Variants in R3HDM2 observed in about 807,000 individuals in gnomAD.
The protein encoded by R3HDM2 is R3H domain containing 2, also known as R3H domain-containing protein 2.
A neutral mutation model predicts 124.5 loss-of-function variants in R3HDM2; 38 were observed. The observed-to-expected ratio is 0.31, with a 90% CI of 0.24 to 0.40. The LOEUF (loss-of-function observed/expected upper bound fraction) is 0.40, where lower values mean the gene tolerates loss of function less well. R3HDM2 is among the 10% of genes least tolerant of loss of function. R3HDM2 has a pLI of 1.00. For missense variants in R3HDM2, 869 were observed against 1,236.9 expected (o/e 0.70, Z 4.46); for synonymous variants, 391 against 448.0 (o/e 0.87, Z 1.61).
At chr12:57,261,431 G>C (rs2040781778) in intron 19 of R3HDM2, among the ~76,000 whole-genome samples, 1 of 152,164 alleles carries the variant, frequency 6.6e-6, no homozygotes, top group Non-Finnish European at 1.5e-5. Context: ...ATAAGCATAA[G>C]CAAGGCAGTG....
At chr12:57,428,748 ATTTT>A (rs920947925) in intron 1 of R3HDM2, among the ~76,000 whole-genome samples, 5 of 113,512 alleles carry the variant, frequency 4.4e-5, no homozygotes, top group Admixed American at 9.8e-5. Flanking sequence ...GCATGCTATT[ATTTT>A]TTTTTTTTTT....
At position 57,402,184 on chromosome 12, in the gene R3HDM2, A is replaced by G. The variant is rs1198376369; in HGVS notation, c.-105-6366T>C. Among the ~76,000 whole-genome samples the G allele has an allele frequency of 2.0e-5, 3 of 150,288 alleles. No individual in the cohort carries two copies. In the East Asian group the frequency reaches 6.0e-4, roughly 30 times the overall value. On this transcript the variant is annotated intron_variant, in intron 1 of 23. Transcript: ENST00000402412. ...GTGACAGGCGCCTGTAATCCCAGCT[A>G]CTCAGGAGACTGAGGCAGGAGAATC...
intron 2 of R3HDM2, among the ~76,000 whole-genome samples, chr12:57,315,301 A>G (rs1489410519): frequency 6.6e-6 from 1 of 152,072 alleles, no homozygotes; most frequent in African/African-American, 2.4e-5. Context: ...TCGGCCTCCC[A>G]AAGTGCTGGG....
chr12:57,335,888 T>G (rs1316521815), intron 2 of R3HDM2, among the ~76,000 whole-genome samples: 1 of 151,846 alleles, frequency 6.6e-6, no homozygotes, highest in Non-Finnish European at 1.5e-5. Flanking sequence ...GGAACTTAAA[T>G]GTACAAGAGA....
At chr12:57,261,027 C>A (rs908385728) in intron 19 of R3HDM2, among the ~76,000 whole-genome samples, 2 of 152,172 alleles carry the variant, frequency 1.3e-5, no homozygotes, top group Non-Finnish European at 2.9e-5. Flanking sequence ...ATCCCCATCT[C>A]CTGCCAAGGT....
At chr12:57,272,238 C>G (rs986058576) in intron 14 of R3HDM2, among the ~76,000 whole-genome samples, 2 of 152,122 alleles carry the variant, frequency 1.3e-5, no homozygotes, top group African/African-American at 4.8e-5. Flanking sequence ...ACACAGTGTT[C>G]CTCTGTCTTA....
rs376826448 is a variant in R3HDM2, at chr12:57,416,119, A to C, written c.-106+14601T>G. Among the ~76,000 whole-genome samples the C allele has an allele frequency of 1.9e-4, 29 of 152,330 alleles. No individual in the cohort carries two copies. The East Asian group carries it at 5.6e-3, about 29-fold the overall frequency. Reference sequence around the variant, plus strand: ...ACTGTTCTCAGGTGATACATGCTTAAGAAATTATGGAGTGAGGTATCCTGA... The same window carrying C: ...ACTGTTCTCAGGTGATACATGCTTACGAAATTATGGAGTGAGGTATCCTGA... On this transcript the variant is annotated intron_variant, in intron 1 of 23. Coordinates refer to ENST00000402412, the MANE Select transcript of R3HDM2 (RefSeq NM_001394031.1).
intron 3 of R3HDM2, among the ~76,000 whole-genome samples, chr12:57,309,742 C>T (rs1004883314): frequency 1.3e-5 from 2 of 152,148 alleles, no homozygotes; most frequent in African/African-American, 4.8e-5. Flanking sequence ...GCAGCAAGAA[C>T]CAGTGAACTC....
At chr12:57,426,960 C>T (rs1364835085) in intron 1 of R3HDM2, among the ~76,000 whole-genome samples, 1 of 152,154 alleles carries the variant, frequency 6.6e-6, no homozygotes, top group Non-Finnish European at 1.5e-5. Context: ...TACTGAACAT[C>T]AAGTGCTGTG....
At chr12:57,263,661 G>GT (rs1253738866) in intron 19 of R3HDM2, among the ~76,000 whole-genome samples, 5 of 152,254 alleles carry the variant, frequency 3.3e-5, no homozygotes, top group Non-Finnish European at 7.4e-5. Context: ...TAGAGATGGG[G>GT]TTTTGCCATG....
At chr12:57,267,153 A>G (rs1328947416) in intron 18 of R3HDM2, among the ~76,000 whole-genome samples, 1 of 152,196 alleles carries the variant, frequency 6.6e-6, no homozygotes, top group Non-Finnish European at 1.5e-5. Flanking sequence ...CAAGAAACAC[A>G]ACAGAAACAC....
chr12:57,402,502 A>G (rs568975006), intron 1 of R3HDM2, among the ~76,000 whole-genome samples: 1 of 152,190 alleles, frequency 6.6e-6, no homozygotes, highest in South Asian at 2.1e-4. Flanking sequence ...ATGTCCAGCT[A>G]ATTTTTATAT....
At chr12:57,400,628 C>T (rs1297305611) in intron 1 of R3HDM2, among the ~76,000 whole-genome samples, 1 of 152,102 alleles carries the variant, frequency 6.6e-6, no homozygotes, top group Non-Finnish European at 1.5e-5. Context: ...CTACTCAAGA[C>T]AACTACCATC....
chr12:57,419,856 T>C (rs910816102), intron 1 of R3HDM2, among the ~76,000 whole-genome samples: 3 of 152,054 alleles, frequency 2.0e-5, no homozygotes, highest in East Asian at 1.9e-4. Context: ...GCCATACAAG[T>C]ACCCTCAGCA....
intron 1 of R3HDM2, among the ~76,000 whole-genome samples, chr12:57,425,294 AC>A (rs1329922677): frequency 1.3e-5 from 2 of 152,050 alleles, no homozygotes; most frequent in African/African-American, 4.8e-5. Context: ...AAAATTATTC[AC>A]AAAATGAGAA....
chr12:57,386,501 C>T (rs954225846), intron 2 of R3HDM2, among the ~76,000 whole-genome samples: 2 of 152,252 alleles, frequency 1.3e-5, no homozygotes, highest in Admixed American at 6.5e-5. Flanking sequence ...TAGCTGCCTC[C>T]CCTCGGGGCA....
At chr12:57,287,064 C>T (rs1188377790) in intron 12 of R3HDM2, among the ~76,000 whole-genome samples, 1 of 152,156 alleles carries the variant, frequency 6.6e-6, no homozygotes, top group Non-Finnish European at 1.5e-5. Context: ...GGGGTGACAT[C>T]TGTAGAGAGC....
intron 2 of R3HDM2, among the ~76,000 whole-genome samples, chr12:57,320,932 G>T (rs2056348631): frequency 6.6e-6 from 1 of 152,108 alleles, no homozygotes; most frequent in Non-Finnish European, 1.5e-5. Flanking sequence ...AAAAATTCTG[G>T]TCTACCCTGT....
At chr12:57,325,242 A>G (rs1008981818) in intron 2 of R3HDM2, among the ~76,000 whole-genome samples, 7 of 152,194 alleles carry the variant, frequency 4.6e-5, no homozygotes, top group Admixed American at 3.9e-4. Context: ...TCCCGGGTTC[A>G]AGAGATTATC....
Sources: allele counts gnomAD v4.1 joint callset (sites outside exome capture counted in the v4.1 genomes callset), GRCh38; gene constraint gnomAD v4.1.1; transcripts MANE v1.5; gene names NCBI Gene and HGNC (gene_info 2026-07-23, HGNC 2026-07-21).